The following TEAD1 variants were observed in gnomAD, a reference collection of about 807,000 sequenced individuals.
The protein encoded by TEAD1 is transcriptional enhancer factor TEF-1.
Under a neutral mutation model 54.9 loss-of-function variants are expected in TEAD1, and 9 were observed. The observed-to-expected ratio is 0.16, with a 90% CI of 0.10 to 0.29. The LOEUF is 0.29. Ranked by LOEUF, TEAD1 falls within the 10% of genes least tolerant of loss-of-function variation. The pLI is 1.00. For synonymous variants in TEAD1, 200 were observed against 187.8 expected (o/e 1.07, Z -0.53); for missense variants, 387 against 535.9 (o/e 0.72, Z 2.74).
At chr11:12,816,492 G>T (rs969131220) in intron 3 of TEAD1, among the ~76,000 whole-genome samples, 8 of 152,136 alleles carry the variant, frequency 5.3e-5, no homozygotes, top group Non-Finnish European at 1.2e-4. Context: ...TATTTGTAGT[G>T]GCTTACACGC....
chr11:12,918,242 A>C (rs1948748434), intron 10 of TEAD1, among the ~76,000 whole-genome samples: 2 of 151,686 alleles, frequency 1.3e-5, no homozygotes. Context: ...TATTACCTTC[A>C]CTTCATGGGA....
chr11:12,844,790 T>C (rs900611249), intron 3 of TEAD1, among the ~76,000 whole-genome samples: 21 of 151,950 alleles, frequency 1.4e-4, no homozygotes, highest in Non-Finnish European at 2.4e-4. Flanking sequence ...ACGATTGATA[T>C]GTTTTAGCAC....
chr11:12,789,076 T>A lies in TEAD1; in HGVS notation c.202+24642T>A, dbSNP rs995874780. Among the ~76,000 whole-genome samples the A allele has an allele frequency of 2.0e-5, 3 of 152,234 alleles. No individual in the cohort carries two copies. In the East Asian group the frequency reaches 5.8e-4, roughly 29 times the overall value. On this transcript the variant is annotated intron_variant, in intron 3 of 12. Coordinates refer to ENST00000527636, the MANE Select transcript of TEAD1 (RefSeq NM_021961.6). ...AAAACTGTCTTAATGTAATTGAGAC[T>A]CTTACACACATAATAAATTGAGATT...
chr11:12,783,934 A>G (rs140420624), intron 3 of TEAD1, among the ~76,000 whole-genome samples: 5 of 152,270 alleles, frequency 3.3e-5, no homozygotes, highest in African/African-American at 1.2e-4. Context: ...GCATATACAC[A>G]GGAAGGGGGG....
intron 2 of TEAD1, among the ~76,000 whole-genome samples, chr11:12,706,952 T>C (rs1324549657): frequency 6.6e-6 from 1 of 152,122 alleles, no homozygotes; most frequent in Non-Finnish European, 1.5e-5. Flanking sequence ...CAAGGGCATC[T>C]CCTGACCTTG....
At chr11:12,785,644 C>G (rs16911589) in intron 3 of TEAD1, among the ~76,000 whole-genome samples, 5,247 of 152,218 alleles carry the variant, frequency 0.034, 324 homozygotes, top group African/African-American at 0.12. Context: ...CCGTCCTGGT[C>G]CTATGGCCCA....
chr11:12,791,924 G>A (rs1213562412), intron 3 of TEAD1, among the ~76,000 whole-genome samples: 1 of 152,162 alleles, frequency 6.6e-6, no homozygotes, highest in Non-Finnish European at 1.5e-5. Flanking sequence ...ATGCACCATA[G>A]TATATGATTA....
At chr11:12,744,563 C>A (rs1056157522) in intron 2 of TEAD1, among the ~76,000 whole-genome samples, 1 of 152,108 alleles carries the variant, frequency 6.6e-6, no homozygotes, top group Non-Finnish European at 1.5e-5. Context: ...GCATGGGTAG[C>A]ACTGATTATT....
chr11:12,747,898 T>C (rs1270863096), intron 2 of TEAD1, among the ~76,000 whole-genome samples: 1 of 152,074 alleles, frequency 6.6e-6, no homozygotes, highest in African/African-American at 2.4e-5. Flanking sequence ...TAAAACTCAG[T>C]ATTCTCTTTA....
At chr11:12,850,008 G>T (rs957698376) in intron 3 of TEAD1, among the ~76,000 whole-genome samples, 1 of 152,194 alleles carries the variant, frequency 6.6e-6, no homozygotes, top group African/African-American at 2.4e-5. Flanking sequence ...AGCAATAGAA[G>T]CATCATGGGT....
chr11:12,927,102 T>TA (rs1948916287), intron 11 of TEAD1, among the ~76,000 whole-genome samples: 1 of 152,222 alleles, frequency 6.6e-6, no homozygotes, highest in Non-Finnish European at 1.5e-5. Flanking sequence ...CCCAAAGCTC[T>TA]ATGCAAATTC....
chr11:12,697,310 G>C (rs1943606760), intron 2 of TEAD1, among the ~76,000 whole-genome samples: 1 of 152,192 alleles, frequency 6.6e-6, no homozygotes, highest in African/African-American at 2.4e-5. Context: ...GATTTTATTA[G>C]CAAATGGATT....
chr11:12,746,303 T>G (rs1433696396), intron 2 of TEAD1, among the ~76,000 whole-genome samples: 2 of 152,196 alleles, frequency 1.3e-5, no homozygotes, highest in East Asian at 3.8e-4. Context: ...ATAAACCTAA[T>G]TAGCTTCGAC....
intron 2 of TEAD1, among the ~76,000 whole-genome samples, chr11:12,695,539 A>G (rs1180162274): frequency 1.3e-5 from 2 of 152,204 alleles, no homozygotes; most frequent in African/African-American, 2.4e-5. Flanking sequence ...GTTCGGGGCC[A>G]GGGATTGATT....
rs760202171 is a variant in TEAD1 at position 12,765,203 on chromosome 11, G to A, written c.202+769G>A. Among the ~76,000 whole-genome samples the A allele has an allele frequency of 1.2e-4, 18 of 152,112 alleles. No individual in the cohort carries two copies. The East Asian group carries it at 1.4e-3, about 11-fold the overall frequency. On this transcript the variant is annotated intron_variant, in intron 3 of 12. Coordinates refer to ENST00000527636, the MANE Select transcript of TEAD1 (RefSeq NM_021961.6). ...GGGCAGCAGCAAGGATCCACCTGCC[G>A]GTCTGGGGCTTGCTTGCTGGGTTTG...
intron 5 of TEAD1, among the ~76,000 whole-genome samples, chr11:12,877,466 A>G (rs768303847): frequency 6.6e-6 from 1 of 152,174 alleles, no homozygotes; most frequent in Non-Finnish European, 1.5e-5. Flanking sequence ...CAGCCTGGCC[A>G]ACATGGTGAA....
chr11:12,884,127 TC>T (rs954172484), intron 9 of TEAD1, among the ~76,000 whole-genome samples: 5 of 151,726 alleles, frequency 3.3e-5, no homozygotes, highest in Non-Finnish European at 7.4e-5. Context: ...CTTTCCTACC[TC>T]CCCCACCCCC....
At chr11:12,793,120 GT>G (rs146383629) in intron 3 of TEAD1, among the ~76,000 whole-genome samples, 11,169 of 146,422 alleles carry the variant, frequency 0.076, 429 homozygotes, top group Non-Finnish European at 0.088. Flanking sequence ...CTATGAAGTG[GT>G]TTTTTTTTTT....
chr11:12,724,546 G>A (rs925086234), intron 2 of TEAD1, among the ~76,000 whole-genome samples: 2 of 152,230 alleles, frequency 1.3e-5, no homozygotes, highest in African/African-American at 4.8e-5. Flanking sequence ...TCCTCTGAAT[G>A]CGAGTGCTTT....
Sources: allele counts gnomAD v4.1 joint callset (sites outside exome capture counted in the v4.1 genomes callset), GRCh38; gene constraint gnomAD v4.1.1; transcripts MANE v1.5; gene names NCBI Gene and HGNC (gene_info 2026-07-23, HGNC 2026-07-21).